Variants in NEK10 observed in about 807,000 individuals in gnomAD.
The protein encoded by NEK10 is serine/threonine-protein kinase Nek10.
In NEK10, 122 loss-of-function variants were observed where a neutral mutation model predicts 159.8. The observed-to-expected ratio is 0.76, with a 90% CI of 0.66 to 0.89. NEK10 has a LOEUF of 0.89. Ranked by LOEUF, NEK10 falls within the 40% of genes least tolerant of loss-of-function variation. The pLI, the probability that NEK10 is intolerant of heterozygous loss-of-function variation, is 0.00. For synonymous variants in NEK10, 466 were observed against 457.1 expected (o/e 1.02, Z -0.25); for missense variants, 1,342 against 1,323.1 (o/e 1.01, Z -0.22).
At chr3:27,236,234 A>G (rs2120888) in intron 23 of NEK10, among the ~76,000 whole-genome samples, 66,758 of 151,954 alleles carry the variant, frequency 0.44, 17,294 homozygotes, top group African/African-American at 0.73. Context: ...GAAATAATCT[A>G]TATAACTAAC....
At chr3:27,191,714 T>A (rs1329102321) in intron 26 of NEK10, among the ~76,000 whole-genome samples, 2 of 152,198 alleles carry the variant, frequency 1.3e-5, no homozygotes, top group African/African-American at 4.8e-5. Context: ...GCAGTCAGAT[T>A]GCTGAAGAAA....
chr3:27,325,096 G>A (rs1029793677), intron 5 of NEK10, among the ~76,000 whole-genome samples: 2 of 152,218 alleles, frequency 1.3e-5, no homozygotes, highest in African/African-American at 2.4e-5. Context: ...AGCACAGACT[G>A]AACTCCTGAG....
chr3:27,228,256 C>T (rs1486832206), intron 23 of NEK10, among the ~76,000 whole-genome samples: 3 of 152,118 alleles, frequency 2.0e-5, no homozygotes, highest in Admixed American at 1.3e-4. Flanking sequence ...ATTAAACCAA[C>T]CTCCACTTCT....
intron 30 of NEK10, among the ~76,000 whole-genome samples, chr3:27,151,952 G>A (rs1944920899): frequency 6.6e-6 from 1 of 152,060 alleles, no homozygotes. Flanking sequence ...AAAGAAAAAG[G>A]AACAAGAAAA....
intron 28 of NEK10, 147 bp from the exon 29 acceptor site, chr3:27,172,020 T>C (rs1947035834): frequency 1.1e-6 from 1 of 888,608 alleles, no homozygotes; most frequent in African/African-American, 1.7e-5. Context: ...GACTGTAAAT[T>C]AGTGTAGCCA....
At chr3:27,201,485 T>A (rs775156011) in intron 25 of NEK10, 25 bp downstream of exon 25, 12 of 1,599,754 alleles carry the variant, frequency 7.5e-6, no homozygotes, top group African/African-American at 1.3e-5. Context: ...TGTCCCTACA[T>A]GTCTGAAGCC....
rs560659264 is a variant in NEK10 at position 27,178,164 on chromosome 3, G to A, written c.2506-3331C>T. ...GTATTGGCACAATTATGTTTAGCTC[G>A]GTTTTGCGCATTATAATGTAATATT... On this transcript the variant is annotated intron_variant, in intron 26 of 35. Coordinates refer to ENST00000691995, the MANE Select transcript of NEK10 (RefSeq NM_001394966.1). Among the ~76,000 whole-genome samples, 13 of 152,202 alleles carry A rather than the reference G, an allele frequency of 8.5e-5. No homozygotes were observed. The East Asian group carries it at 1.7e-3, about 20-fold the overall frequency.
At chr3:27,176,743 C>T (rs1238694220) in intron 26 of NEK10, among the ~76,000 whole-genome samples, 4 of 152,182 alleles carry the variant, frequency 2.6e-5, no homozygotes, top group Admixed American at 6.5e-5. Context: ...ATCTTCTACC[C>T]TATCCTGAAG....
chr3:27,299,729 G>A lies in NEK10; in HGVS notation c.1168+1967C>T, dbSNP rs1462950300. Among the ~76,000 whole-genome samples, 3 of 152,232 alleles carry A rather than the reference G, an allele frequency of 2.0e-5. No individual in the cohort carries two copies. In the East Asian group the frequency reaches 5.8e-4, roughly 29 times the overall value. On this transcript the variant is annotated intron_variant, in intron 13 of 35. Coordinates refer to ENST00000691995, the MANE Select transcript of NEK10 (RefSeq NM_001394966.1). Reference sequence around the variant, plus strand: ...TCATGGGAACCCACTTATAGCATCAGCGTGACCCAGATGCAAGACATGGAG... The same window carrying A: ...TCATGGGAACCCACTTATAGCATCAACGTGACCCAGATGCAAGACATGGAG...
At chr3:27,313,283 GAAAGAA>G (rs1469543034) in intron 7 of NEK10, among the ~76,000 whole-genome samples, 1 of 150,984 alleles carries the variant, frequency 6.6e-6, no homozygotes, top group Admixed American at 6.6e-5. Context: ...AAAAGAAAAA[GAAAGAA>G]AAAGAAATTT....
intron 26 of NEK10, among the ~76,000 whole-genome samples, chr3:27,188,138 C>T (rs1279916505): frequency 2.6e-5 from 4 of 152,122 alleles, no homozygotes; most frequent in Non-Finnish European, 5.9e-5. Flanking sequence ...CTGCACTTAA[C>T]GTTATTCTTT....
rs2049341101 is a variant in NEK10 at position 27,369,316 on chromosome 3, A to G, written c.-129T>C. On this transcript the variant is annotated 5_prime_UTR_variant, in exon 1 of 36. Coordinates refer to ENST00000691995, the MANE Select transcript of NEK10 (RefSeq NM_001394966.1). The surrounding 1 kb of genome is among the most constrained non-coding windows in gnomAD (Gnocchi z 4.2). Reference sequence around the variant, plus strand: ...CTGCTGCAGACCGGGGGTCCCGTCCAGTCTCAGCCCGTCCCGTCCTCCCCC... The same window carrying G: ...CTGCTGCAGACCGGGGGTCCCGTCCGGTCTCAGCCCGTCCCGTCCTCCCCC... 1 of 152,814 alleles carries G rather than the reference A, an allele frequency of 6.5e-6. No homozygotes were observed. The highest frequency in any genetic ancestry group is 2.4e-5 in the African/African-American group (1 of 41,486). The allele number at this position is 152,814 out of a possible 1,614,324, so 9.5% of individuals were successfully genotyped here. A position where few individuals can be genotyped will look rare whatever the true frequency, so the allele number is the denominator to read the frequency against.
At chr3:27,114,510 A>G (rs1486191665) in intron 35 of NEK10, among the ~76,000 whole-genome samples, 1 of 152,188 alleles carries the variant, frequency 6.6e-6, no homozygotes, top group African/African-American at 2.4e-5. Context: ...GAATAATTTT[A>G]CTTGTGACTC....
chr3:27,300,884 A>C (rs2149534130), intron 13 of NEK10, among the ~76,000 whole-genome samples: 1 of 152,296 alleles, frequency 6.6e-6, no homozygotes, highest in Middle Eastern at 3.4e-3. Flanking sequence ...CCTTGTTTTC[A>C]CACCATCTAT....
chr3:27,135,655 C>T (rs1943114631), intron 31 of NEK10, among the ~76,000 whole-genome samples: 1 of 152,106 alleles, frequency 6.6e-6, no homozygotes, highest in South Asian at 2.1e-4. Flanking sequence ...AAGTTAGTTC[C>T]TAATTCTATT....
intron 3 of NEK10, among the ~76,000 whole-genome samples, chr3:27,347,332 G>A (rs994341448): frequency 9.9e-5 from 15 of 151,524 alleles, no homozygotes; most frequent in Admixed American, 5.3e-4. Context: ...GGAGAAACCC[G>A]TCTCTATTAA....
At position 27,130,672 on chromosome 3, in the gene NEK10, G is replaced by A. The variant is rs1257220353; in HGVS notation, c.3081+1208C>T. Among the ~76,000 whole-genome samples the A allele has an allele frequency of 2.6e-5, 4 of 152,098 alleles. No individual in the cohort carries two copies. The East Asian group carries it at 7.7e-4, about 29-fold the overall frequency. On this transcript the variant is annotated intron_variant, in intron 32 of 35. Coordinates refer to ENST00000691995, the MANE Select transcript of NEK10 (RefSeq NM_001394966.1). Reference sequence around the variant, plus strand: ...TGACCTTAATAAGAATATAAAATAAGAATAAGAGTTATATGACCTTAATAA... The same window carrying A: ...TGACCTTAATAAGAATATAAAATAAAAATAAGAGTTATATGACCTTAATAA...
chr3:27,151,308 C>T (rs1944850153), intron 30 of NEK10, among the ~76,000 whole-genome samples: 2 of 152,104 alleles, frequency 1.3e-5, no homozygotes, highest in Admixed American at 6.6e-5. Flanking sequence ...TTGAGAGACC[C>T]ATAGATGGTT....
chr3:27,234,579 G>A (rs530195158), intron 23 of NEK10, among the ~76,000 whole-genome samples: 33 of 152,172 alleles, frequency 2.2e-4, no homozygotes, highest in African/African-American at 7.5e-4. Flanking sequence ...TCTCTATAAG[G>A]AGAACTACAA....
Sources: gnomAD v4.1 joint callset for allele counts (sites outside exome capture counted in the v4.1 genomes callset) on GRCh38, gnomAD v4.1.1 for gene constraint, Gnocchi (gnomAD v3.1) non-coding constraint, MANE v1.5 for transcripts, NCBI Gene and HGNC (gene_info 2026-07-23, HGNC 2026-07-21) for gene names.